The following SLC45A4 variants were observed in gnomAD, a reference collection of about 807,000 sequenced individuals.
SLC45A4 encodes solute carrier family 45 member 4.
A neutral mutation model predicts 63.7 loss-of-function variants in SLC45A4; 32 were observed. The ratio of observed to expected loss-of-function variants is 0.50; its 90% CI spans 0.38 to 0.67. SLC45A4 has a LOEUF of 0.67. Ranked by LOEUF, SLC45A4 falls within the 30% of genes least tolerant of loss-of-function variation. The pLI is 0.00. For synonymous variants in SLC45A4, 535 were observed against 510.0 expected (o/e 1.05, Z -0.66); for missense variants, 1,027 against 1,157.7 (o/e 0.89, Z 1.64).
intron 1 of SLC45A4, among the ~76,000 whole-genome samples, chr8:141,280,928 C>A (rs536696304): frequency 6.6e-6 from 1 of 152,232 alleles, no homozygotes; most frequent in Non-Finnish European, 1.5e-5. Flanking sequence ...CCGGGCTGTG[C>A]GTCCTACACC....
intron 1 of SLC45A4, among the ~76,000 whole-genome samples, chr8:141,260,293 T>A (rs183426130): frequency 1.1e-3 from 169 of 152,344 alleles, no homozygotes; most frequent in Non-Finnish European, 1.7e-3. Context: ...ACCTAGGGTG[T>A]TAACACCAAT....
chr8:141,239,946 A>T lies in SLC45A4; in HGVS notation c.241+14043T>A, dbSNP rs117625650. On this transcript the variant is annotated intron_variant, in intron 2 of 8. Coordinates refer to ENST00000517878, the MANE Select transcript of SLC45A4 (RefSeq NM_001286646.2). ...GACCAGCACTTAATGTATGTTTTAA[A>T]ACTTCCAGTGTTTTGTGTGAGGCAG... Among the ~76,000 whole-genome samples the T allele has an allele frequency of 4.6e-3, 708 of 152,314 alleles. 2 individuals are homozygous for T. Among genetic ancestry groups the T allele is most frequent in the South Asian group, 0.011 (52 of 4,828 alleles).
In SLC45A4 at chr8:141,215,831, G is replaced by T. The variant is rs761542314; in HGVS notation, c.1869C>A (p.Thr623=). The T allele has an allele frequency of 6.2e-7, 1 of 1,614,146 alleles. No individual in the cohort carries two copies. The highest frequency in any genetic ancestry group is 1.1e-5 in the South Asian group (1 of 91,092). The change falls in exon 7 of 9, where the codon ACC becomes ACA. Residue 623 remains threonine, a synonymous_variant. Transcript: ENST00000517878. The surrounding 1 kb of genome is among the most constrained non-coding windows in gnomAD (Gnocchi z 4.3). The stretch of plus-strand genomic sequence containing the variant: ...AGATGCTCATGGAGACGATGCCCAT[G>T]GTGCTGATGGTGACCATGGCGACGT... ...NVYVAMVTIS[T]MGIVSMSISY...
chr8:141,262,631 CCAT>C (rs1253368078), intron 1 of SLC45A4, among the ~76,000 whole-genome samples: 2 of 151,324 alleles, frequency 1.3e-5, no homozygotes, highest in Non-Finnish European at 3.0e-5. Flanking sequence ...TCATCACTGG[CCAT>C]CAGAGAAATG....
chr8:141,271,669 A>C (rs945276548), intron 1 of SLC45A4, among the ~76,000 whole-genome samples: 18 of 152,178 alleles, frequency 1.2e-4, no homozygotes, highest in South Asian at 4.1e-4. Flanking sequence ...TCCCCCAAAC[A>C]ACTGGCAGGG....
chr8:141,222,065 G>T (rs1211200475), intron 2 of SLC45A4, among the ~76,000 whole-genome samples: 1 of 150,774 alleles, frequency 6.6e-6, no homozygotes, highest in African/African-American at 2.4e-5. Flanking sequence ...GACTGTGCAG[G>T]CACATGGAGG....
intron 1 of SLC45A4, among the ~76,000 whole-genome samples, chr8:141,290,334 C>A (rs1830303058): frequency 6.6e-6 from 1 of 152,218 alleles, no homozygotes; most frequent in Middle Eastern, 3.4e-3. Context: ...CCAAGCCCGG[C>A]CCTCCCACTC....
At chr8:141,303,888 T>A (rs994106320) in intron 1 of SLC45A4, among the ~76,000 whole-genome samples, 1 of 151,774 alleles carries the variant, frequency 6.6e-6, no homozygotes, top group African/African-American at 2.4e-5. Context: ...GGTGGGAGGG[T>A]GAGATGGCCA....
chr8:141,225,167 G>A (rs1424156046), intron 2 of SLC45A4: 1 of 152,116 alleles, frequency 6.6e-6, no homozygotes, highest in Non-Finnish European at 1.5e-5. Flanking sequence ...TCCAGCAACG[G>A]TCGCCTTTTC....
chr8:141,214,289 T>C (rs758926651), intron 7 of SLC45A4, among the ~76,000 whole-genome samples: 9 of 151,750 alleles, frequency 5.9e-5, no homozygotes, highest in Non-Finnish European at 1.0e-4. Flanking sequence ...ATATTTAGTA[T>C]TGGAGGTTCC....
At chr8:141,230,294 C>A (rs1827274712) in intron 2 of SLC45A4, 2 of 361,518 alleles carry the variant, frequency 5.5e-6, no homozygotes, top group African/African-American at 2.1e-5. Flanking sequence ...CACCCCATCT[C>A]AACAAGGGAG....
At chr8:141,291,091 C>T (rs1485863694) in intron 1 of SLC45A4, among the ~76,000 whole-genome samples, 2 of 152,200 alleles carry the variant, frequency 1.3e-5, no homozygotes, top group East Asian at 1.9e-4. Flanking sequence ...TCAAGTGATC[C>T]GCCCACCTTG....
chr8:141,265,996 C>A (rs1173721616), intron 1 of SLC45A4, among the ~76,000 whole-genome samples: 1 of 152,198 alleles, frequency 6.6e-6, no homozygotes, highest in Non-Finnish European at 1.5e-5. Context: ...TGACTTCCTA[C>A]AATTTGCTGA....
chr8:141,243,450 C>T (rs1356353550), intron 2 of SLC45A4, among the ~76,000 whole-genome samples: 3 of 152,252 alleles, frequency 2.0e-5, no homozygotes, highest in Admixed American at 2.0e-4. Flanking sequence ...ATCAACCATA[C>T]TAAACCTGAA....
intron 1 of SLC45A4, among the ~76,000 whole-genome samples, chr8:141,283,203 C>T (rs1036014850): frequency 1.3e-5 from 2 of 152,226 alleles, no homozygotes; most frequent in African/African-American, 2.4e-5. Flanking sequence ...ATGCTAGATA[C>T]GGAACCTCTG....
At chr8:141,250,347 A>G (rs1286174334) in intron 2 of SLC45A4, among the ~76,000 whole-genome samples, 1 of 151,932 alleles carries the variant, frequency 6.6e-6, no homozygotes, top group Non-Finnish European at 1.5e-5. Context: ...ACTTTATTAT[A>G]TAAAATAGGC....
intron 2 of SLC45A4, among the ~76,000 whole-genome samples, chr8:141,242,122 G>C (rs532672820): frequency 3.3e-5 from 5 of 152,162 alleles, no homozygotes; most frequent in East Asian, 1.9e-4. Flanking sequence ...ATCATTATAC[G>C]CACATTTAGC....
At chr8:141,293,983 T>C (rs1174491708) in intron 1 of SLC45A4, among the ~76,000 whole-genome samples, 2 of 149,384 alleles carry the variant, frequency 1.3e-5, no homozygotes, top group Admixed American at 1.3e-4. Context: ...GCGGTAAAGA[T>C]CTACAGAAGA....
chr8:141,257,672 G>A (rs1589823039), intron 1 of SLC45A4, among the ~76,000 whole-genome samples: 1 of 152,270 alleles, frequency 6.6e-6, no homozygotes, highest in Non-Finnish European at 1.5e-5. Flanking sequence ...TCAGCCAGGG[G>A]CAACTCTGCA....
Sources: gnomAD v4.1 joint callset for allele counts (sites outside exome capture counted in the v4.1 genomes callset) on GRCh38, gnomAD v4.1.1 for gene constraint, Gnocchi (gnomAD v3.1) non-coding constraint, MANE v1.5 for transcripts, NCBI Gene and HGNC (gene_info 2026-07-23, HGNC 2026-07-21) for gene names.